RYR3: variants seen among roughly 807,000 people sequenced by gnomAD.
RYR3 encodes the protein brain ryanodine receptor-calcium release channel.
A neutral mutation model predicts 584.3 loss-of-function variants in RYR3; 207 were observed. That is an observed-to-expected ratio of 0.35 (90% confidence interval 0.32 to 0.40). RYR3 has a LOEUF of 0.40. Ranked by LOEUF, RYR3 falls within the 10% of genes least tolerant of loss-of-function variation. The probability of loss-of-function intolerance (pLI) is 1.00; values close to 1 mark genes in which losing one functional copy is unlikely to be tolerated. For synonymous variants in RYR3, 2,416 were observed against 2,248.5 expected, an observed-to-expected ratio of 1.07 and a Z score of -2.11; for missense variants, 5,616 against 6,089.2, an observed-to-expected ratio of 0.92 and a Z score of 2.59.
intron 43 of RYR3, among the ~76,000 whole-genome samples, chr15:33,716,977 A>G (rs542996436): frequency 6.0e-4 from 91 of 152,318 alleles, no homozygotes; most frequent in Non-Finnish European, 1.1e-3. Flanking sequence ...GAGAATGCCC[A>G]TATTTTGTCA....
At chr15:33,414,089 C>T (rs938209086) in intron 1 of RYR3, among the ~76,000 whole-genome samples, 32 of 152,270 alleles carry the variant, frequency 2.1e-4, no homozygotes, top group Admixed American at 1.4e-3. Flanking sequence ...GTTATATATT[C>T]GTACCTTCAG....
At chr15:33,454,135 C>T (rs773555441) in intron 1 of RYR3, among the ~76,000 whole-genome samples, 7 of 152,116 alleles carry the variant, frequency 4.6e-5, no homozygotes, top group Non-Finnish European at 7.3e-5. Context: ...CAAAGTTTTG[C>T]GAAGATGCTG....
chr15:33,585,858 G>A lies in RYR3; in HGVS notation c.1670-140G>A, dbSNP rs551881001. ...CCGGAAATGATGCATTTTTTTTCTG[G>A]CTGGAAAGATTTGATAGATTCAAAG... On this transcript the variant is annotated intron_variant, in intron 15 of 103. Coordinates refer to ENST00000634891, the MANE Select transcript of RYR3 (RefSeq NM_001036.6). 9.2e-5 allele frequency: 55 copies of A among 594,598 alleles called. No homozygotes were observed. In the East Asian group the frequency reaches 9.6e-4, roughly 10 times the overall value. 36.8% of individuals were successfully genotyped at this position (594,598 alleles called of 1,614,324 possible).
intron 103 of RYR3, chr15:33,864,911 G>A: frequency 2.0e-6 from 1 of 503,094 alleles, no homozygotes; most frequent in Middle Eastern, 5.2e-4. Flanking sequence ...TGGGGCAGAG[G>A]GGGATTTTTC....
Position 33,635,662 on chromosome 15 carries a change from G to A in RYR3, c.3224G>A (p.Arg1075Gln), listed in dbSNP as rs944419972. 8.1e-6 allele frequency: 13 copies of A among 1,613,832 alleles called. No homozygotes were observed. The highest frequency in any genetic ancestry group is 5.0e-5 in the Admixed American group (3 of 60,008). The change falls in exon 26 of 104, where the codon CGG becomes CAG. Residue 1075 changes from arginine (R) to glutamine (Q), a missense_variant. By Grantham distance (43) the Arg-to-Gln change is conservative. This residue lies in a region of RYR3 where 1,284 missense variants were observed against 1,344.6 expected (regional missense o/e 0.95). Coordinates refer to ENST00000634891, the MANE Select transcript of RYR3 (RefSeq NM_001036.6). ...KVSIDKIRFF[R>Q]VERSYAVRSG... ...AGCATAGACAAGATCCGATTTTTCC[G>A]GGTAGAGCGATCTTATGCAGTGAGA...
intron 3 of RYR3, among the ~76,000 whole-genome samples, chr15:33,515,422 G>A (rs986834542): frequency 6.6e-6 from 1 of 152,176 alleles, no homozygotes; most frequent in Non-Finnish European, 1.5e-5. Context: ...AAAGTCAGTG[G>A]GAGAAACCTT....
intron 69 of RYR3, among the ~76,000 whole-genome samples, chr15:33,807,002 C>T (rs912207025): frequency 7.9e-5 from 12 of 151,702 alleles, no homozygotes; most frequent in Non-Finnish European, 1.6e-4. Flanking sequence ...CTTGCCACCT[C>T]GGCCTCCCAA....
intron 3 of RYR3, among the ~76,000 whole-genome samples, chr15:33,505,777 C>T (rs999067088): frequency 1.3e-5 from 2 of 152,148 alleles, no homozygotes; most frequent in Non-Finnish European, 2.9e-5. Context: ...CAAGTGTGAG[C>T]CACCACGCCT....
chr15:33,798,367 AG>A (rs926681815), intron 67 of RYR3, among the ~76,000 whole-genome samples: 6 of 152,228 alleles, frequency 3.9e-5, no homozygotes, highest in Non-Finnish European at 8.8e-5. Context: ...CTGGGATTAC[AG>A]GTGTGAGCCA....
chr15:33,587,620 T>G (rs2058922079), intron 16 of RYR3, among the ~76,000 whole-genome samples: 2 of 152,200 alleles, frequency 1.3e-5, no homozygotes, highest in African/African-American at 4.8e-5. Flanking sequence ...TTTAATCTTC[T>G]AGAACCAAGA....
rs567024433 is a variant in RYR3, at chr15:33,854,449, C to T, written c.13860C>T (p.Asn4620=). The change falls in exon 97 of 104, where the codon AAC becomes AAT. Residue 4620 remains asparagine, a splice_region_variant and synonymous_variant. Transcript: ENST00000634891. ...AGCTTGGAGTTGTTTTTACTGACAACGTAAGTACTGCACCTGGAAAAACAA... is the reference window on the plus strand; with the variant it reads ...AGCTTGGAGTTGTTTTTACTGACAATGTAAGTACTGCACCTGGAAAAACAA... ...IWKLGVVFTD[N]SFLYLAWYTT... 195 of 1,567,466 alleles carry T rather than the reference C, an allele frequency of 1.2e-4. 2 individuals are homozygous for T. In the South Asian group the frequency reaches 2.1e-3, roughly 17 times the overall value.
At chr15:33,540,916 C>A in intron 7 of RYR3, 26 bp downstream of exon 7, 6 of 1,387,066 alleles carry the variant, frequency 4.3e-6, no homozygotes, top group Non-Finnish European at 6.2e-6. Flanking sequence ...TGCATTTAGC[C>A]CTGAGCCTGC....
At chr15:33,688,218 A>C (rs1596162003) in intron 38 of RYR3, among the ~76,000 whole-genome samples, 1 of 162 alleles carries the variant, frequency 6.2e-3, no homozygotes, top group Admixed American at 0.5. Flanking sequence ...GATTTACAAG[A>C]AAAAAAACAA....
At chr15:33,855,404 A>G (rs1279606782) in intron 98 of RYR3, among the ~76,000 whole-genome samples, 1 of 152,190 alleles carries the variant, frequency 6.6e-6, no homozygotes, top group African/African-American at 2.4e-5. Flanking sequence ...GGGTTTCACC[A>G]TGTTGGCCAG....
intron 1 of RYR3, among the ~76,000 whole-genome samples, chr15:33,382,318 G>GTTTTTTTTTT (rs1567133176): frequency 2.9e-5 from 3 of 103,264 alleles, no homozygotes; most frequent in African/African-American, 4.8e-5. Context: ...TTTAAAAGTG[G>GTTTTTTTTTT]CTTTTTTTTT....
intron 1 of RYR3, among the ~76,000 whole-genome samples, chr15:33,418,415 A>T (rs2043986185): frequency 6.6e-6 from 1 of 151,986 alleles, no homozygotes; most frequent in Admixed American, 6.6e-5. Context: ...CGAGAGTAGA[A>T]ATAGACCAGG....
At chr15:33,413,014 G>C (rs2043517199) in intron 1 of RYR3, among the ~76,000 whole-genome samples, 1 of 152,192 alleles carries the variant, frequency 6.6e-6, no homozygotes, top group African/African-American at 2.4e-5. Context: ...AAAGACAACT[G>C]TACCATCCTG....
chr15:33,637,554 G>C (rs12901506), intron 27 of RYR3, among the ~76,000 whole-genome samples: 25,910 of 152,160 alleles, frequency 0.17, 2,491 homozygotes, highest in African/African-American at 0.23. Context: ...TCATTTTTAT[G>C]TCTGTAGATG....
chr15:33,852,251 C>T (rs1427148423), intron 94 of RYR3: 1 of 152,132 alleles, frequency 6.6e-6, no homozygotes, highest in Non-Finnish European at 1.5e-5. Context: ...AAGGAACCCC[C>T]CCACAGGAAG....
Sources: allele counts gnomAD v4.1 joint callset (sites outside exome capture counted in the v4.1 genomes callset), GRCh38; gene constraint gnomAD v4.1.1; regional missense constraint gnomAD v4.1.1; transcripts MANE v1.5; gene names NCBI Gene and HGNC (gene_info 2026-07-23, HGNC 2026-07-21).